Variants in NT5C1A observed in about 807,000 individuals in gnomAD.
The protein encoded by NT5C1A is cytosolic 5'-nucleotidase 1A.
A neutral mutation model predicts 31.0 loss-of-function variants in NT5C1A; 18 were observed. That is an observed-to-expected ratio of 0.58 (90% confidence interval 0.40 to 0.86). The LOEUF is 0.86. Ranked by LOEUF, NT5C1A falls within the 40% of genes least tolerant of loss-of-function variation. The probability of loss-of-function intolerance (pLI) is 0.00; values close to 1 mark genes in which losing one functional copy is unlikely to be tolerated. For synonymous variants in NT5C1A, 185 were observed against 203.6 expected (o/e 0.91, Z 0.78); for missense variants, 470 against 505.4 (o/e 0.93, Z 0.67).
chr1:39,669,700 A>C (rs945316853), intron 1 of NT5C1A, among the ~76,000 whole-genome samples: 4 of 152,132 alleles, frequency 2.6e-5, no homozygotes, highest in African/African-American at 9.7e-5. Flanking sequence ...TGGGGAGGAA[A>C]TGGATTTTGA....
At chr1:39,671,866 C>G in intron 1 of NT5C1A, 38 bp downstream of exon 1, 1 of 1,610,446 alleles carries the variant, frequency 6.2e-7, no homozygotes, top group Non-Finnish European at 8.5e-7. Context: ...CGGGGTAACC[C>G]TTCCCCCGTC....
In NT5C1A at chr1:39,652,358, C is replaced by T. The variant is rs1301998977; in HGVS notation, c.*6763G>A. On this transcript the variant is annotated 3_prime_UTR_variant, in exon 6 of 6. Coordinates refer to ENST00000235628, the MANE Select transcript of NT5C1A (RefSeq NM_032526.3). ...TCCCAGCTTCTCTTCAAAAATGGGG[C>T]GGACTATCCGGCAACCTCAGGCCAC... Among the ~76,000 whole-genome samples, 2 of 152,170 alleles carry T rather than the reference C, an allele frequency of 1.3e-5. No individual in the cohort carries two copies. The highest frequency in any genetic ancestry group is 6.5e-5 in the Admixed American group (1 of 15,286).
Position 39,656,343 on chromosome 1 carries a change from A to C in NT5C1A, c.*2778T>G, listed in dbSNP as rs1305266087. Among the ~76,000 whole-genome samples, 1 of 152,188 alleles carries C rather than the reference A, an allele frequency of 6.6e-6. No homozygotes were observed. Among genetic ancestry groups the C allele is most frequent in the Non-Finnish European group, 1.5e-5 (1 of 68,022 alleles). ...TGGGCACCTCCTCACCTCTAAGACAATCAGAAGGCCCGTGTAACTGCTGCC... is the reference window on the plus strand; with the variant it reads ...TGGGCACCTCCTCACCTCTAAGACACTCAGAAGGCCCGTGTAACTGCTGCC... On this transcript the variant is annotated 3_prime_UTR_variant, in exon 6 of 6. Transcript: ENST00000235628.
In NT5C1A at chr1:39,660,790, A is replaced by G. The variant is rs545388855; in HGVS notation, c.741+289T>C. Reference sequence around the variant, plus strand: ...ACGTCAGGGAGGGAAAGGAGACCTCAGAAATGGGGATTTGAGCTGCAGAGG... The same window carrying G: ...ACGTCAGGGAGGGAAAGGAGACCTCGGAAATGGGGATTTGAGCTGCAGAGG... On this transcript the variant is annotated intron_variant, in intron 5 of 5. Transcript: ENST00000235628. 2.6e-5 allele frequency among the ~76,000 whole-genome samples: 4 copies of G among 152,242 alleles called. No homozygotes were observed. In the East Asian group the frequency reaches 5.8e-4, roughly 22 times the overall value.
At position 39,658,615 on chromosome 1, in the gene NT5C1A, G is replaced by A. The variant is rs887145174; in HGVS notation, c.*506C>T. Among the ~76,000 whole-genome samples the A allele has an allele frequency of 2.6e-5, 4 of 152,196 alleles. No homozygotes were observed. Among genetic ancestry groups the A allele is most frequent in the Non-Finnish European group, 4.4e-5 (3 of 68,040 alleles). ...ACACAGAATGCTTCCTTCTAAGAGG[G>A]CGATCTTAAAGAACCAAGCTTCTTT... On this transcript the variant is annotated 3_prime_UTR_variant, in exon 6 of 6. Coordinates refer to ENST00000235628, the MANE Select transcript of NT5C1A (RefSeq NM_032526.3).
At chr1:39,662,730 C>A (rs950157992) in intron 4 of NT5C1A, among the ~76,000 whole-genome samples, 1 of 152,208 alleles carries the variant, frequency 6.6e-6, no homozygotes, top group African/African-American at 2.4e-5. Flanking sequence ...AGGATACGCA[C>A]CTCGTTGGGA....
chr1:39,665,499 C>T, intron 3 of NT5C1A, 22 bp downstream of exon 3: 1 of 1,599,976 alleles, frequency 6.3e-7, no homozygotes. Flanking sequence ...GGCAAACCCC[C>T]CATCCTCATG....
At position 39,652,498 on chromosome 1, in the gene NT5C1A, G is replaced by A. The variant is rs1012936693; in HGVS notation, c.*6623C>T. On this transcript the variant is annotated 3_prime_UTR_variant, in exon 6 of 6. Transcript: ENST00000235628. ...CTGCCTCGCCCCTGTAGGCATTGGG[G>A]TTTGTGACCCTGGCCCAGGCATCCA... is the stretch of plus-strand genomic sequence containing the variant. Among the ~76,000 whole-genome samples the A allele has an allele frequency of 1.3e-5, 2 of 151,924 alleles. No homozygotes were observed. The highest frequency in any genetic ancestry group is 2.4e-5 in the African/African-American group (1 of 41,340).
Position 39,655,299 on chromosome 1 carries a change from G to A in NT5C1A, c.*3822C>T, listed in dbSNP as rs1388399932. Among the ~76,000 whole-genome samples the A allele has an allele frequency of 6.6e-6, 1 of 152,200 alleles. No individual in the cohort carries two copies. The highest frequency in any genetic ancestry group is 1.5e-5 in the Non-Finnish European group (1 of 68,024). ...GTCAGATTTGGCCCGTGGGCCCAGA[G>A]TTTGCCAAACTCTGCATTAGCCCAA... is the stretch of plus-strand genomic sequence containing the variant. On this transcript the variant is annotated 3_prime_UTR_variant, in exon 6 of 6. Coordinates refer to ENST00000235628, the MANE Select transcript of NT5C1A (RefSeq NM_032526.3).
At chr1:39,661,625 C>T (rs1024631524) in intron 4 of NT5C1A, among the ~76,000 whole-genome samples, 2 of 152,218 alleles carry the variant, frequency 1.3e-5, no homozygotes, top group Admixed American at 1.3e-4. Context: ...CTAGTAAGAT[C>T]ATGCTGCTGT....
intron 3 of NT5C1A, among the ~76,000 whole-genome samples, chr1:39,664,613 C>T (rs1469446984): frequency 7.0e-6 from 1 of 143,856 alleles, no homozygotes; most frequent in Non-Finnish European, 1.5e-5. Context: ...ATACCTCAGC[C>T]TCCCGAATAG....
At position 39,652,213 on chromosome 1, in the gene NT5C1A, T is replaced by C. The variant is rs1393844866; in HGVS notation, c.*6908A>G. Among the ~76,000 whole-genome samples the C allele has an allele frequency of 2.0e-5, 3 of 152,198 alleles. No homozygotes were observed. The highest frequency in any genetic ancestry group is 4.8e-5 in the African/African-American group (2 of 41,544). On this transcript the variant is annotated 3_prime_UTR_variant, in exon 6 of 6. Transcript: ENST00000235628. ...TCTTAAAAACCCAAGTCTCTGGGCC[T>C]GGGCCAGCGGATGCAAACTGGAGAT...
chr1:39,659,543 C>T, intron 5 of NT5C1A, 57 bp from the exon 6 acceptor site: 1 of 1,512,442 alleles, frequency 6.6e-7, no homozygotes, highest in Non-Finnish European at 8.8e-7. Flanking sequence ...TATTTGCCCC[C>T]TGCTCTCCCT....
In NT5C1A at chr1:39,661,138, G is replaced by A. The variant is rs752392923; in HGVS notation, c.682C>T (p.His228Tyr). The A allele has an allele frequency of 3.8e-6, 6 of 1,597,752 alleles. No homozygotes were observed. The highest frequency in any genetic ancestry group is 2.2e-5 in the East Asian group (1 of 44,510). Residue 228 changes from histidine (H) to tyrosine (Y), a missense_variant, in exon 5 of 6, where the codon CAC (histidine) becomes TAC (tyrosine). Coordinates refer to ENST00000235628, the MANE Select transcript of NT5C1A (RefSeq NM_032526.3). The stretch of plus-strand genomic sequence containing the variant: ...TGCTCGAAGAATCGGTCCAGCCCGT[G>A]GGCCTTGACGATGCGCTCCGACTCG... ...SDESERIVKA[H>Y]GLDRFFEHEK... is the part of the protein sequence containing the mutation.
chr1:39,667,745 C>T (rs1172539116), intron 1 of NT5C1A, among the ~76,000 whole-genome samples: 1 of 152,170 alleles, frequency 6.6e-6, no homozygotes, highest in East Asian at 1.9e-4. Context: ...GAGGCCAATG[C>T]CATCTTTTAA....
At position 39,654,086 on chromosome 1, in the gene NT5C1A, G is replaced by A. The variant is rs896201773; in HGVS notation, c.*5035C>T. 6.6e-6 allele frequency among the ~76,000 whole-genome samples: 1 copy of A among 152,228 alleles called. No homozygotes were observed. The highest frequency in any genetic ancestry group is 1.5e-5 in the Non-Finnish European group (1 of 68,036). ...CAGCAATGATGGCTGTAGATGGGGC[G>A]TCTTCCATACTGTCTGTTCTTGCAG... On this transcript the variant is annotated 3_prime_UTR_variant, in exon 6 of 6. Coordinates refer to ENST00000235628, the MANE Select transcript of NT5C1A (RefSeq NM_032526.3).
rs138933643 is a variant in NT5C1A at position 39,659,255 on chromosome 1, T to G, written c.973A>C (p.Ile325Leu). 5 of 1,613,982 alleles carry G rather than the reference T, an allele frequency of 3.1e-6. No individual in the cohort carries two copies. In the Admixed American group the frequency reaches 8.3e-5, roughly 27 times the overall value. ...TGGAACATCTGGTCATCAAAGAAGA[T>G]GTGTGGGCGGATCTTCTCAAGGAGA... ...GPLLEKIRPH[I>L]FFDDQMFHVA... The change falls in exon 6 of 6, where the codon ATC (isoleucine) becomes CTC (leucine). Residue 325 changes from isoleucine (I) to leucine (L), a missense_variant. Ile to Leu is a conservative substitution (Grantham distance 5). Transcript: ENST00000235628.
In NT5C1A at chr1:39,656,047, G is replaced by C. The variant is rs1646457530; in HGVS notation, c.*3074C>G. ...TAGGAGAGGGGGATGTTTTGCAACT[G>C]GCTGAGCAGTCTCAGTGCTTAGTAA... On this transcript the variant is annotated 3_prime_UTR_variant, in exon 6 of 6. Coordinates refer to ENST00000235628, the MANE Select transcript of NT5C1A (RefSeq NM_032526.3). Among the ~76,000 whole-genome samples, 1 of 151,636 alleles carries C rather than the reference G, an allele frequency of 6.6e-6. No homozygotes were observed. Among genetic ancestry groups the C allele is most frequent in the African/African-American group, 2.4e-5 (1 of 41,312 alleles).
In NT5C1A at chr1:39,651,660, ATTC is replaced by A. The variant is rs1646433083; in HGVS notation, c.*7458_*7460del. On this transcript the variant is annotated 3_prime_UTR_variant, in exon 6 of 6. Coordinates refer to ENST00000235628, the MANE Select transcript of NT5C1A (RefSeq NM_032526.3). ...GCACACAGGTTTCATTTTTCATCGT[ATTC>A]TATATCGGAGGTTATTGAGATGCTC... Among the ~76,000 whole-genome samples, 2 of 152,204 alleles carry A rather than the reference ATTC, an allele frequency of 1.3e-5. No homozygotes were observed. The highest frequency in any genetic ancestry group is 6.5e-5 in the Admixed American group (1 of 15,268).
Sources: gnomAD v4.1 joint callset for allele counts (sites outside exome capture counted in the v4.1 genomes callset) on GRCh38, gnomAD v4.1.1 for gene constraint, MANE v1.5 for transcripts, NCBI Gene and HGNC (gene_info 2026-07-23, HGNC 2026-07-21) for gene names.